The following RIMBP2 variants were observed in gnomAD, a reference collection of about 807,000 sequenced individuals.
RIMBP2 encodes the protein RIMS binding protein 2, also known as RIMS-binding protein 2.
RIMBP2 carries 48 observed loss-of-function variants against 118.6 expected under a neutral mutation model. That is an observed-to-expected ratio of 0.40 (90% CI 0.32 to 0.51). The LOEUF (loss-of-function observed/expected upper bound fraction) is 0.51. Ranked by LOEUF, RIMBP2 falls within the 20% of genes least tolerant of loss-of-function variation. The pLI is 0.41. For missense variants in RIMBP2, 1,551 were observed against 1,768.3 expected (o/e 0.88, Z 2.20); for synonymous variants, 762 against 742.9 (o/e 1.03, Z -0.42).
chr12:130,584,401 C>T (rs1422160228), intron 2 of RIMBP2, among the ~76,000 whole-genome samples: 2 of 147,398 alleles, frequency 1.4e-5, no homozygotes, highest in African/African-American at 5.0e-5. Context: ...CACCTCATCG[C>T]CATCACCACC....
At chr12:130,406,089 G>A in intron 21 of RIMBP2, 83 bp downstream of exon 21, 3 of 871,670 alleles carry the variant, frequency 3.4e-6, no homozygotes. Flanking sequence ...TTTAAGAGAA[G>A]GAACGGACTA....
chr12:130,538,159 C>T (rs1056528981), intron 2 of RIMBP2, among the ~76,000 whole-genome samples: 2 of 151,898 alleles, frequency 1.3e-5, no homozygotes, highest in Non-Finnish European at 2.9e-5. Flanking sequence ...AGATGTTTTA[C>T]GGGGCCCCAA....
At chr12:130,399,460 G>A (rs531991039) in intron 22 of RIMBP2, among the ~76,000 whole-genome samples, 8 of 152,236 alleles carry the variant, frequency 5.3e-5, no homozygotes, top group Admixed American at 2.6e-4. Context: ...AAGGCAGATT[G>A]ATTGATTAGA....
chr12:130,655,514 C>T (rs2063390058), intron 1 of RIMBP2, among the ~76,000 whole-genome samples: 1 of 152,094 alleles, frequency 6.6e-6, no homozygotes, highest in African/African-American at 2.4e-5. Flanking sequence ...GCTCTGGGGC[C>T]ATAGAACAGG....
intron 4 of RIMBP2, among the ~76,000 whole-genome samples, chr12:130,491,280 G>A (rs756963902): frequency 4.6e-5 from 7 of 152,156 alleles, no homozygotes; most frequent in Non-Finnish European, 8.8e-5. Flanking sequence ...GTTAAGCAAC[G>A]TGTTCAAGTT....
chr12:130,508,731 A>G (rs2050607156), intron 3 of RIMBP2, among the ~76,000 whole-genome samples: 1 of 152,194 alleles, frequency 6.6e-6, no homozygotes, highest in African/African-American at 2.4e-5. Context: ...GTCACCAGAC[A>G]GAAGTTTTCT....
chr12:130,704,383 T>C (rs556450736), intron 1 of RIMBP2, among the ~76,000 whole-genome samples: 58 of 152,270 alleles, frequency 3.8e-4, no homozygotes, highest in Non-Finnish European at 7.4e-4. Flanking sequence ...TGAGACCAAC[T>C]GGCCAAATTG....
At chr12:130,522,280 C>T (rs550835338) in intron 2 of RIMBP2, among the ~76,000 whole-genome samples, 1 of 152,360 alleles carries the variant, frequency 6.6e-6, no homozygotes, top group East Asian at 1.9e-4. Flanking sequence ...AGGGCCAAGG[C>T]AAGCCTTTCA....
intron 2 of RIMBP2, among the ~76,000 whole-genome samples, chr12:130,627,506 A>G (rs1392434469): frequency 6.6e-6 from 1 of 152,202 alleles, no homozygotes; most frequent in Non-Finnish European, 1.5e-5. Context: ...CTGAACCCTG[A>G]ACCTGACCAT....
chr12:130,521,751 T>C (rs6486547), intron 2 of RIMBP2, among the ~76,000 whole-genome samples: 117,209 of 152,184 alleles, frequency 0.77, 46,529 homozygotes, highest in Non-Finnish European at 0.88. Context: ...GTCTTAGCTT[T>C]GTGACCTGAA....
At chr12:130,538,694 G>A (rs755366982) in intron 2 of RIMBP2, among the ~76,000 whole-genome samples, 3 of 152,124 alleles carry the variant, frequency 2.0e-5, no homozygotes, top group Non-Finnish European at 4.4e-5. Flanking sequence ...TCAATAGAGC[G>A]AGTCACGAGC....
intron 17 of RIMBP2, among the ~76,000 whole-genome samples, chr12:130,415,898 A>G (rs1298327386): frequency 6.6e-6 from 1 of 152,228 alleles, no homozygotes; most frequent in Non-Finnish European, 1.5e-5. Flanking sequence ...TAGCATTTCT[A>G]TACACCAATA....
At chr12:130,448,085 C>T (rs1355518125) in intron 9 of RIMBP2, among the ~76,000 whole-genome samples, 38 of 150,590 alleles carry the variant, frequency 2.5e-4, no homozygotes, top group Admixed American at 2.5e-3. Context: ...ATATGCCCCT[C>T]ACAATTTGAC....
chr12:130,657,069 AT>A (rs928578705), intron 1 of RIMBP2, among the ~76,000 whole-genome samples: 1 of 152,058 alleles, frequency 6.6e-6, no homozygotes, highest in Non-Finnish European at 1.5e-5. Context: ...ATTTTTTTAC[AT>A]TTTTATTTCT....
At chr12:130,439,304 TGTGG>T (rs2077829633) in intron 11 of RIMBP2, among the ~76,000 whole-genome samples, 1 of 151,718 alleles carries the variant, frequency 6.6e-6, no homozygotes, top group Non-Finnish European at 1.5e-5. Flanking sequence ...TGGGTGTGTG[TGTGG>T]GTGTGTATAG....
intron 4 of RIMBP2, among the ~76,000 whole-genome samples, chr12:130,490,246 A>G (rs572648076): frequency 3.9e-4 from 59 of 151,864 alleles, no homozygotes; most frequent in Non-Finnish European, 7.7e-4. Context: ...ACTTACTGTG[A>G]CAATTCTAAG....
At chr12:130,415,578 G>C (rs1456609532) in intron 17 of RIMBP2, among the ~76,000 whole-genome samples, 1 of 152,090 alleles carries the variant, frequency 6.6e-6, no homozygotes, top group East Asian at 1.9e-4. Flanking sequence ...GAAATAAAAG[G>C]CATCCATATA....
At chr12:130,459,061 A>AAC (rs1566077069) in intron 6 of RIMBP2, among the ~76,000 whole-genome samples, 3 of 8,636 alleles carry the variant, frequency 3.5e-4, no homozygotes, top group Non-Finnish European at 1.9e-3. Context: ...AAAAAAAAAC[A>AAC]AAAAAAAAGT....
chr12:130,635,931 G>A (rs2062322930), intron 1 of RIMBP2, among the ~76,000 whole-genome samples: 1 of 151,870 alleles, frequency 6.6e-6, no homozygotes, highest in African/African-American at 2.4e-5. Context: ...TCTCCACACA[G>A]CCAACTTGCA....
Sources: gnomAD v4.1 joint callset for allele counts (sites outside exome capture counted in the v4.1 genomes callset) on GRCh38, gnomAD v4.1.1 for gene constraint, MANE v1.5 for transcripts, NCBI Gene and HGNC (gene_info 2026-07-23, HGNC 2026-07-21) for gene names.